DIAPH2: variants seen among roughly 807,000 people sequenced by gnomAD.
The protein encoded by DIAPH2 is protein diaphanous homolog 2.
DIAPH2 carries 35 observed loss-of-function variants against 92.7 expected under a neutral mutation model. The observed-to-expected ratio is 0.38, with a 90% CI of 0.29 to 0.50. The LOEUF is 0.50. Ranked by LOEUF, DIAPH2 falls within the 20% of genes least tolerant of loss-of-function variation. The probability of loss-of-function intolerance (pLI) is 0.94; values close to 1 mark genes in which losing one functional copy is unlikely to be tolerated. For synonymous variants in DIAPH2, 301 were observed against 280.4 expected, an observed-to-expected ratio of 1.07 and a Z score of -0.73; for missense variants, 701 against 819.5, an observed-to-expected ratio of 0.86 and a Z score of 1.77.
chrX:96,754,404 C>A (rs1233649716), intron 3 of DIAPH2, among the ~76,000 whole-genome samples: 1 of 111,809 alleles, frequency 8.9e-6, no homozygotes, highest in Non-Finnish European at 1.9e-5. Context: ...AAACAGTCTA[C>A]CAGATTAGAC....
At chrX:97,570,112 ATATATATATATT>A (rs1569426195) in intron 26 of DIAPH2, among the ~76,000 whole-genome samples, 34 of 31,849 alleles carry the variant, frequency 1.1e-3, no homozygotes, top group East Asian at 4.3e-3. Context: ...ATATATATAT[ATATATATATATT>A]AGAAGATAGA....
chrX:96,891,556 T>C (rs2065307368), intron 5 of DIAPH2, among the ~76,000 whole-genome samples: 1 of 112,045 alleles, frequency 8.9e-6, no homozygotes, highest in Non-Finnish European at 1.9e-5. Context: ...AGCCAATTCA[T>C]TGCAAGATGT....
chrX:97,385,365 TG>T (rs1297422547), intron 25 of DIAPH2, among the ~76,000 whole-genome samples: 230 of 110,466 alleles, frequency 2.1e-3, no homozygotes, highest in African/African-American at 7.1e-3. Flanking sequence ...CCCGAGTAGC[TG>T]GGATTACAGG....
chrX:97,563,963 G>C (rs1027185143), intron 26 of DIAPH2, among the ~76,000 whole-genome samples: 8 of 112,061 alleles, frequency 7.1e-5, no homozygotes, highest in African/African-American at 2.6e-4. Context: ...GGGTCCTCCA[G>C]ACAGGATGAA....
chrX:97,246,725 A>G (rs957509879), intron 22 of DIAPH2, among the ~76,000 whole-genome samples: 25 of 112,326 alleles, frequency 2.2e-4, no homozygotes, highest in African/African-American at 7.8e-4. Flanking sequence ...TAAAAATAAG[A>G]AAGAATCATA....
intron 14 of DIAPH2, among the ~76,000 whole-genome samples, chrX:96,947,749 A>G (rs2065747216): frequency 1.8e-5 from 2 of 112,267 alleles, no homozygotes. Flanking sequence ...GGTTTTGGGC[A>G]GTAGATGTAT....
chrX:97,241,677 C>T (rs766394233), intron 22 of DIAPH2, among the ~76,000 whole-genome samples: 2 of 110,086 alleles, frequency 1.8e-5, no homozygotes, highest in Non-Finnish European at 3.8e-5. Flanking sequence ...TAAGAAGATT[C>T]AACTGATACA....
intron 20 of DIAPH2, among the ~76,000 whole-genome samples, chrX:97,104,154 A>G (rs900756479): frequency 9.0e-6 from 1 of 111,301 alleles, no homozygotes; most frequent in African/African-American, 3.3e-5. Context: ...TATAATCCCA[A>G]CTATATTGCA....
intron 17 of DIAPH2, among the ~76,000 whole-genome samples, chrX:97,026,731 A>G (rs2066337645): frequency 8.9e-6 from 1 of 112,050 alleles, no homozygotes; most frequent in Admixed American, 9.5e-5. Context: ...ATTGTAAGCA[A>G]CATCGCTTTT....
chrX:97,540,360 G>C (rs1346023987), intron 26 of DIAPH2, among the ~76,000 whole-genome samples: 1 of 111,985 alleles, frequency 8.9e-6, no homozygotes, highest in Non-Finnish European at 1.9e-5. Context: ...ATTAAACAAA[G>C]AAGAGTTCCA....
intron 26 of DIAPH2, among the ~76,000 whole-genome samples, chrX:97,518,175 G>GGCACTGAGCCACT (rs1243163601): frequency 1.8e-5 from 2 of 112,124 alleles, no homozygotes; most frequent in Admixed American, 1.9e-4. Context: ...CATGGAACAT[G>GGCACTGAGCCACT]GCATGGATTT....
chrX:97,540,273 G>A (rs2071129759), intron 26 of DIAPH2, among the ~76,000 whole-genome samples: 1 of 111,664 alleles, frequency 9.0e-6, no homozygotes, highest in African/African-American at 3.2e-5. Flanking sequence ...TAGATGAATG[G>A]ACACAGTTTT....
intron 17 of DIAPH2, among the ~76,000 whole-genome samples, chrX:97,009,870 C>T (rs971099234): frequency 9.0e-6 from 1 of 111,452 alleles, no homozygotes; most frequent in Non-Finnish European, 1.9e-5. Context: ...GGGGTCTCTA[C>T]CTAAGCTGTG....
rs1431849110 is a variant in DIAPH2 at position 97,603,202 on chromosome X, C to G, written c.*3885C>G. 2 of 108,333 alleles carry G rather than the reference C, an allele frequency of 1.8e-5. No individual in the cohort carries two copies. The highest frequency in any genetic ancestry group is 3.4e-5 in the African/African-American group (1 of 29,628). 8.9% of individuals were successfully genotyped at this position (108,333 alleles called of 1,213,427 possible). A position where few individuals can be genotyped will look rare whatever the true frequency, so the allele number is the denominator to read the frequency against. ...AATTCAGGCTCAGAATTTACCCAGT[C>G]ATCAGATACTGATTCCTTTTGTCCA... is the stretch of plus-strand genomic sequence containing the variant. On this transcript the variant is annotated 3_prime_UTR_variant, in exon 27 of 27. Transcript: ENST00000324765.
chrX:96,903,124 T>A (rs1343992662), intron 5 of DIAPH2, among the ~76,000 whole-genome samples: 1 of 54,408 alleles, frequency 1.8e-5, no homozygotes, highest in East Asian at 6.2e-4. Context: ...TCCTTACCCC[T>A]GTTACTGTGA....
At chrX:97,021,488 A>C (rs2066297712) in intron 17 of DIAPH2, among the ~76,000 whole-genome samples, 1 of 112,374 alleles carries the variant, frequency 8.9e-6, no homozygotes, top group South Asian at 3.7e-4. Context: ...GTGAGCCACC[A>C]GCAAGAAAGT....
chrX:96,966,004 T>C (rs1215493079), intron 17 of DIAPH2, among the ~76,000 whole-genome samples: 1 of 111,877 alleles, frequency 8.9e-6, no homozygotes, highest in Non-Finnish European at 1.9e-5. Context: ...GCCCTTGGAA[T>C]TAGCACCTTT....
At chrX:97,088,760 C>T (rs1008869706) in intron 19 of DIAPH2, among the ~76,000 whole-genome samples, 1 of 112,084 alleles carries the variant, frequency 8.9e-6, no homozygotes, top group Admixed American at 9.5e-5. Context: ...CATAAAAATT[C>T]CATACAATAT....
intron 26 of DIAPH2, among the ~76,000 whole-genome samples, chrX:97,529,452 C>A (rs773646504): frequency 1.2e-3 from 138 of 112,283 alleles, no homozygotes; most frequent in African/African-American, 4.3e-3. Flanking sequence ...GTGCTGTGTT[C>A]TAGGCAATGT....
Sources: allele counts gnomAD v4.1 joint callset (sites outside exome capture counted in the v4.1 genomes callset), GRCh38; gene constraint gnomAD v4.1.1; transcripts MANE v1.5; gene names NCBI Gene and HGNC (gene_info 2026-07-23, HGNC 2026-07-21).